ZZZ3: variants seen among roughly 807,000 people sequenced by gnomAD.
ZZZ3 encodes zinc finger ZZ-type containing 3.
Under a neutral mutation model 95.2 loss-of-function variants are expected in ZZZ3, and 22 were observed. The ratio of observed to expected loss-of-function variants is 0.23; its 90% CI spans 0.17 to 0.33. The LOEUF (loss-of-function observed/expected upper bound fraction) is 0.33, where lower values mean the gene tolerates loss of function less well. ZZZ3 is among the 10% of genes least tolerant of loss of function. The pLI is 1.00. For synonymous variants in ZZZ3, 335 were observed against 358.9 expected, an observed-to-expected ratio of 0.93 and a Z score of 0.75; for missense variants, 885 against 1,066.5, an observed-to-expected ratio of 0.83 and a Z score of 2.37.
intron 6 of ZZZ3, 22 bp from the exon 7 acceptor site, chr1:77,582,148 CAAAAT>C: frequency 6.4e-7 from 1 of 1,568,968 alleles, no homozygotes; most frequent in Non-Finnish European, 8.6e-7. Context: ...GGAGAAAAAA[CAAAAT>C]AAAGTAAAAG....
At chr1:77,623,413 C>A (rs1192213406) in intron 5 of ZZZ3, among the ~76,000 whole-genome samples, 2 of 152,104 alleles carry the variant, frequency 1.3e-5, no homozygotes, top group East Asian at 1.9e-4. Context: ...GAACAACTAC[C>A]AAGGAGCTAT....
intron 5 of ZZZ3, among the ~76,000 whole-genome samples, chr1:77,602,820 G>A (rs190840490): frequency 9.3e-4 from 141 of 151,874 alleles, no homozygotes; most frequent in South Asian, 3.7e-3. Flanking sequence ...TGGCCAGGCT[G>A]GTATTGAACT....
chr1:77,670,272 T>G (rs556344200), intron 1 of ZZZ3, among the ~76,000 whole-genome samples: 5,864 of 122,626 alleles, frequency 0.048, 141 homozygotes, highest in African/African-American at 0.088. Flanking sequence ...TTTTTTTTTT[T>G]GGGGGGGGGC....
At chr1:77,639,653 T>G (rs907488231) in intron 3 of ZZZ3, 51 bp from the exon 4 acceptor site, 1 of 407,090 alleles carries the variant, frequency 2.5e-6, no homozygotes, top group South Asian at 1.0e-4. Flanking sequence ...GATGAACTTA[T>G]GCTAATAGAT....
intron 5 of ZZZ3, among the ~76,000 whole-genome samples, chr1:77,618,201 A>G (rs772742881): frequency 8.4e-5 from 12 of 143,690 alleles, no homozygotes; most frequent in Admixed American, 2.1e-4. Context: ...TGGAAGATAT[A>G]CCCTTGCTCT....
intron 1 of ZZZ3, among the ~76,000 whole-genome samples, chr1:77,650,136 T>C (rs1669671762): frequency 6.6e-6 from 1 of 151,636 alleles, no homozygotes; most frequent in Non-Finnish European, 1.5e-5. Flanking sequence ...GAAAAAGTAA[T>C]AGTAAAAAAG....
At chr1:77,654,407 C>T (rs1261326365) in intron 1 of ZZZ3, among the ~76,000 whole-genome samples, 2 of 151,940 alleles carry the variant, frequency 1.3e-5, no homozygotes, top group Non-Finnish European at 2.9e-5. Context: ...CAAAACCAGA[C>T]AAAAAAATTA....
At chr1:77,568,134 C>G (rs1660999933) in intron 13 of ZZZ3, among the ~76,000 whole-genome samples, 198 bp downstream of exon 13, 1 of 151,996 alleles carries the variant, frequency 6.6e-6, no homozygotes, top group African/African-American at 2.4e-5. Flanking sequence ...CAAAAATTAG[C>G]TGGGTATAGT....
intron 1 of ZZZ3, among the ~76,000 whole-genome samples, chr1:77,660,249 T>C (rs1670666891): frequency 6.6e-6 from 1 of 152,156 alleles, no homozygotes; most frequent in Non-Finnish European, 1.5e-5. Flanking sequence ...ATAAAATTTG[T>C]CATCTTAATC....
intron 1 of ZZZ3, among the ~76,000 whole-genome samples, chr1:77,673,450 A>C (rs1004880191): frequency 6.6e-6 from 1 of 152,106 alleles, no homozygotes; most frequent in Non-Finnish European, 1.5e-5. Context: ...TACAAAAATT[A>C]GCCAGGCATG....
At chr1:77,636,288 C>T (rs1372497909) in intron 4 of ZZZ3, among the ~76,000 whole-genome samples, 1 of 152,206 alleles carries the variant, frequency 6.6e-6, no homozygotes, top group Non-Finnish European at 1.5e-5. Flanking sequence ...TTTCTTTCCA[C>T]ACCAATCTGA....
At chr1:77,590,183 G>A (rs1400879122) in intron 5 of ZZZ3, among the ~76,000 whole-genome samples, 3 of 152,220 alleles carry the variant, frequency 2.0e-5, no homozygotes, top group Non-Finnish European at 4.4e-5. Flanking sequence ...GACCAGCCTG[G>A]CCAACATGGT....
chr1:77,655,779 T>C (rs1670218534), intron 1 of ZZZ3, among the ~76,000 whole-genome samples: 2 of 152,224 alleles, frequency 1.3e-5, no homozygotes, highest in Admixed American at 6.5e-5. Context: ...ACAAACACCC[T>C]GGACTTTTCA....
At chr1:77,605,546 C>T (rs1409414611) in intron 5 of ZZZ3, among the ~76,000 whole-genome samples, 1 of 152,162 alleles carries the variant, frequency 6.6e-6, no homozygotes, top group African/African-American at 2.4e-5. Context: ...CACCACCCTT[C>T]CCCTAACCAC....
intron 1 of ZZZ3, among the ~76,000 whole-genome samples, chr1:77,680,283 C>A (rs1350758486): frequency 6.6e-6 from 1 of 152,194 alleles, no homozygotes; most frequent in Non-Finnish European, 1.5e-5. Flanking sequence ...AAAGTTGCCT[C>A]AAATACCGAC....
chr1:77,661,273 CA>C (rs1450350228), intron 1 of ZZZ3, among the ~76,000 whole-genome samples: 1 of 151,936 alleles, frequency 6.6e-6, no homozygotes, highest in Non-Finnish European at 1.5e-5. Context: ...ATTAGCCAGG[CA>C]GAGTGTCGGG....
At chr1:77,681,945 A>T (rs1026582266) in intron 1 of ZZZ3, among the ~76,000 whole-genome samples, 2 of 152,124 alleles carry the variant, frequency 1.3e-5, no homozygotes, top group Non-Finnish European at 2.9e-5. Context: ...GTTACCTTAA[A>T]TATATAACCT....
intron 12 of ZZZ3, among the ~76,000 whole-genome samples, chr1:77,570,932 A>G (rs946088342): frequency 2.1e-5 from 3 of 141,108 alleles, no homozygotes; most frequent in African/African-American, 8.0e-5. Flanking sequence ...GGCCTCACTT[A>G]TTGCTGGGAT....
At chr1:77,678,907 T>C (rs1021374933) in intron 1 of ZZZ3, among the ~76,000 whole-genome samples, 4 of 152,186 alleles carry the variant, frequency 2.6e-5, no homozygotes, top group African/African-American at 9.7e-5. Context: ...GCCTCTAACT[T>C]ACAAATATAC....
Sources: allele counts gnomAD v4.1 joint callset (sites outside exome capture counted in the v4.1 genomes callset), GRCh38; gene constraint gnomAD v4.1.1; transcripts MANE v1.5; gene names NCBI Gene and HGNC (gene_info 2026-07-23, HGNC 2026-07-21).